The following CCNH variants were observed in gnomAD, a reference collection of about 807,000 sequenced individuals.
CCNH encodes cyclin-H.
Under a neutral mutation model 41.9 loss-of-function variants are expected in CCNH, and 31 were observed. The ratio of observed to expected loss-of-function variants is 0.74; its 90% CI spans 0.56 to 1.00. CCNH has a LOEUF of 1.00. Ranked by LOEUF, CCNH falls within the 50% of genes least tolerant of loss-of-function variation. CCNH has a pLI of 0.00. For synonymous variants in CCNH, 138 were observed against 136.1 expected, an observed-to-expected ratio of 1.01 and a Z score of -0.10; for missense variants, 362 against 388.4, an observed-to-expected ratio of 0.93 and a Z score of 0.57.
At chr5:87,330,581 CTGTTTA>C (rs1026696513) in intron 9 of CCNH, among the ~76,000 whole-genome samples, 19 of 152,196 alleles carry the variant, frequency 1.2e-4, no homozygotes, top group African/African-American at 4.1e-4. Context: ...AAGCATGTTT[CTGTTTA>C]TATCAGTCCA....
chr5:87,412,279 AC>A (rs1764311503), intron 1 of CCNH: 2 of 362,960 alleles, frequency 5.5e-6, no homozygotes, highest in Non-Finnish European at 8.1e-6. Flanking sequence ...CATCTCTGTA[AC>A]TTCTGACCTC....
chr5:87,352,921 GTA>G (rs1158875304), intron 9 of CCNH, among the ~76,000 whole-genome samples: 1 of 151,778 alleles, frequency 6.6e-6, no homozygotes, highest in Non-Finnish European at 1.5e-5. Context: ...CACTTGATGG[GTA>G]TGGAAAATCA....
downstream of CCNH, among the ~76,000 whole-genome samples, chr5:87,387,057 A>C (rs1160245550): frequency 6.6e-6 from 1 of 152,160 alleles, no homozygotes; most frequent in African/African-American, 2.4e-5. Context: ...AACAAAAAAC[A>C]TATTTTTGTT....
At chr5:87,379,698 C>A, upstream of CCNH, 1 of 1,604,574 alleles carries the variant, frequency 6.2e-7, no homozygotes. Flanking sequence ...TTTGTCATTG[C>A]CAACATGCAT....
intron 9 of CCNH, among the ~76,000 whole-genome samples, chr5:87,384,482 G>A (rs1330077854): frequency 1.3e-5 from 2 of 152,018 alleles, no homozygotes; most frequent in Non-Finnish European, 2.9e-5. Flanking sequence ...GTTTTGGAAT[G>A]TCTTAATTTT....
chr5:87,318,410 C>G (rs910407187), downstream of CCNH: 1 of 152,126 alleles, frequency 6.6e-6, no homozygotes, highest in Non-Finnish European at 1.5e-5. Flanking sequence ...CTACCTGAGA[C>G]TGGGTAGTTT....
downstream of CCNH, chr5:87,372,286 C>T: frequency 8.3e-7 from 1 of 1,199,924 alleles, no homozygotes; most frequent in Non-Finnish European, 1.2e-6. Flanking sequence ...CTGTTTTGGA[C>T]ATCATATGGG....
chr5:87,332,663 A>G lies in CCNH; in HGVS notation c.*91-13766T>C, dbSNP rs138733388. 6.9e-6 allele frequency: 11 copies of G among 1,597,522 alleles called. No individual in the cohort carries two copies. The African/African-American group carries it at 1.1e-4, about 16-fold the overall frequency. On this transcript the variant is annotated intron_variant and NMD_transcript_variant, in intron 9 of 9. Transcript: ENST00000645953. The stretch of plus-strand genomic sequence containing the variant: ...CAGAGGCAAGTAAAATGAATAAAAT[A>G]TCTTTCAAAACTTTATTTTTTCAGT...
At chr5:87,374,706 T>A, downstream of CCNH, 1 of 1,267,302 alleles carries the variant, frequency 7.9e-7, no homozygotes, top group African/African-American at 1.5e-5. Context: ...ATGTTGTGAA[T>A]CTGGTTTTAG....
intron 9 of CCNH, chr5:87,349,156 A>G (rs545247371): frequency 6.3e-7 from 1 of 1,578,242 alleles, no homozygotes; most frequent in Non-Finnish European, 8.7e-7. Context: ...AATACTACTT[A>G]ACATCTTTTC....
At chr5:87,409,892 G>C (rs1764093471) in intron 2 of CCNH, among the ~76,000 whole-genome samples, 1 of 152,056 alleles carries the variant, frequency 6.6e-6, no homozygotes, top group East Asian at 1.9e-4. Context: ...ACCATTTATT[G>C]AATGTATACC....
chr5:87,376,800 A>C (rs1468607645), exon 1 of CCNH: 3 of 1,405,178 alleles, frequency 2.1e-6, no homozygotes, highest in African/African-American at 1.4e-5. Context: ...GAACTTGTGA[A>C]AGAACATATT....
chr5:87,347,014 C>T (rs546661215), intron 9 of CCNH, among the ~76,000 whole-genome samples: 1 of 152,046 alleles, frequency 6.6e-6, no homozygotes, highest in South Asian at 2.1e-4. Context: ...TTCTGTGTCT[C>T]TGTGAATCTT....
chr5:87,350,173 C>CA (rs1759156528), intron 9 of CCNH, among the ~76,000 whole-genome samples: 1 of 151,742 alleles, frequency 6.6e-6, no homozygotes, highest in Non-Finnish European at 1.5e-5. Context: ...AACCAAAAAA[C>CA]AAAAACAAGT....
At chr5:87,393,647 C>T (rs148699515), downstream of CCNH, 10 of 152,194 alleles carry the variant, frequency 6.6e-5, no homozygotes, top group East Asian at 5.8e-4. Flanking sequence ...TCTACTTACA[C>T]GGATTCACTT....
intron 9 of CCNH, among the ~76,000 whole-genome samples, chr5:87,319,437 C>G (rs977426021): frequency 6.6e-6 from 1 of 152,220 alleles, no homozygotes; most frequent in Non-Finnish European, 1.5e-5. Flanking sequence ...CCTCTGAAAT[C>G]AAGGTGGAGG....
chr5:87,338,313 A>G (rs968247253), intron 9 of CCNH, among the ~76,000 whole-genome samples: 7 of 151,426 alleles, frequency 4.6e-5, no homozygotes, highest in South Asian at 2.1e-4. Context: ...ATGATTTTCT[A>G]TGAATTAAAA....
chr5:87,375,495 A>G (rs893485915), downstream of CCNH, among the ~76,000 whole-genome samples: 2 of 152,214 alleles, frequency 1.3e-5, no homozygotes, highest in African/African-American at 4.8e-5. Context: ...TCCTGACCTC[A>G]GGTGATCTGC....
At chr5:87,397,832 T>C (rs1763084546) in intron 7 of CCNH, among the ~76,000 whole-genome samples, 1 of 152,256 alleles carries the variant, frequency 6.6e-6, no homozygotes, top group South Asian at 2.1e-4. Flanking sequence ...GTAAATATTT[T>C]CGGCCTTGCA....
Sources: gnomAD v4.1 joint callset for allele counts (sites outside exome capture counted in the v4.1 genomes callset) on GRCh38, gnomAD v4.1.1 for gene constraint, MANE v1.5 for transcripts, NCBI Gene and HGNC (gene_info 2026-07-23, HGNC 2026-07-21) for gene names.